SKI: variants seen among roughly 807,000 people sequenced by gnomAD.
SKI encodes SKI proto-oncogene, also known as ski oncogene.
Under a neutral mutation model 59.3 loss-of-function variants are expected in SKI, and 23 were observed. The ratio of observed to expected loss-of-function variants is 0.39; its 90% CI spans 0.28 to 0.55. The LOEUF (loss-of-function observed/expected upper bound fraction) is 0.55, where lower values mean the gene tolerates loss of function less well. SKI is among the 20% of genes least tolerant of loss of function. The pLI, the probability that SKI is intolerant of heterozygous loss-of-function variation, is 0.67. For synonymous variants in SKI, 673 were observed against 488.6 expected (o/e 1.38, Z -4.98); for missense variants, 1,017 against 1,038.9 (o/e 0.98, Z 0.29).
At chr1:2,255,150 C>G (rs1228989193) in intron 1 of SKI, among the ~76,000 whole-genome samples, 2 of 152,188 alleles carry the variant, frequency 1.3e-5, no homozygotes, top group Non-Finnish European at 2.9e-5. Context: ...CCAGTGTCCC[C>G]ATCCTGTCCT....
intron 1 of SKI, among the ~76,000 whole-genome samples, chr1:2,234,365 C>T (rs1638706878): frequency 6.6e-6 from 1 of 152,304 alleles, no homozygotes; most frequent in Non-Finnish European, 1.5e-5. Flanking sequence ...GGTCCCTCGC[C>T]TTCTGGGGCA....
rs563960146 is a variant in SKI at position 2,283,351 on chromosome 1, G to T, written c.970-19627G>T. 1.9e-3 allele frequency among the ~76,000 whole-genome samples: 193 copies of T among 103,502 alleles called. 5 individuals are homozygous for T. The Middle Eastern group carries it at 0.027, about 15-fold the overall frequency. The allele number at this position is 103,502 out of a possible 152,430, so 67.9% of individuals were successfully genotyped here. On this transcript the variant is annotated intron_variant, in intron 1 of 6. Coordinates refer to ENST00000378536, the MANE Select transcript of SKI (RefSeq NM_003036.4). ...ACAGGGCAAGGACTCAGAGCCTCAG[G>T]GGGGGGAGGGCAGGGCCTCCTGAGG...
chr1:2,296,861 G>A (rs551608400), intron 1 of SKI, among the ~76,000 whole-genome samples: 132 of 152,250 alleles, frequency 8.7e-4, no homozygotes, highest in African/African-American at 3.0e-3. Flanking sequence ...ACGTGCGCTC[G>A]CAGCCTCGGC....
At chr1:2,262,792 G>A in intron 1 of SKI, among the ~76,000 whole-genome samples, 1 of 152,116 alleles carries the variant, frequency 6.6e-6, no homozygotes, top group East Asian at 1.9e-4. Flanking sequence ...TTACTAATGT[G>A]ATGAATTATA....
At chr1:2,298,034 T>C (rs965027332) in intron 1 of SKI, among the ~76,000 whole-genome samples, 1 of 152,178 alleles carries the variant, frequency 6.6e-6, no homozygotes, top group African/African-American at 2.4e-5. Flanking sequence ...CGGGTGGTCA[T>C]GGGCCGAGCA....
chr1:2,298,949 C>T (rs12026947), intron 1 of SKI, among the ~76,000 whole-genome samples: 5 of 152,310 alleles, frequency 3.3e-5, no homozygotes, highest in East Asian at 1.9e-4. Context: ...GAGCTGCCTT[C>T]TCTAGTTGGG....
chr1:2,305,582 G>C (rs777765594), intron 5 of SKI, among the ~76,000 whole-genome samples: 5 of 152,144 alleles, frequency 3.3e-5, no homozygotes, highest in Admixed American at 6.5e-5. Flanking sequence ...TGGGGAGAGT[G>C]GGGGGGCTTG....
At chr1:2,233,308 C>T (rs1370887785) in intron 1 of SKI, among the ~76,000 whole-genome samples, 1 of 151,246 alleles carries the variant, frequency 6.6e-6, no homozygotes, top group African/African-American at 2.4e-5. Context: ...GCCGGGGGTC[C>T]TGCTCCGAGG....
chr1:2,245,112 A>G (rs1420625899), intron 1 of SKI, among the ~76,000 whole-genome samples: 1 of 149,146 alleles, frequency 6.7e-6, no homozygotes, highest in African/African-American at 2.5e-5. Flanking sequence ...CCCAGCCCCC[A>G]ACACCCACCC....
rs1174147537 is a variant in SKI, at chr1:2,229,465, G to T, written c.699G>T (p.Val233=). Residue 233 remains valine (V), a synonymous_variant, in exon 1 of 7, where the codon GTG becomes GTT. Coordinates refer to ENST00000378536, the MANE Select transcript of SKI (RefSeq NM_003036.4). The surrounding 1 kb of genome is among the most constrained non-coding windows in gnomAD (Gnocchi z 6.3). The part of the protein sequence containing the change: ...ECFGKCKGLL[V]PELYSSPSAA... ...TCGGCAAGTGTAAGGGGCTGCTGGT[G>T]CCCGAGCTCTACAGCAGCCCGAGCG... is the stretch of plus-strand genomic sequence containing the variant. 8.1e-6 allele frequency: 13 copies of T among 1,611,944 alleles called. No homozygotes were observed. Among genetic ancestry groups the T allele is most frequent in the Non-Finnish European group, 1.0e-5 (12 of 1,179,814 alleles).
At chr1:2,297,843 C>T (rs886958963) in intron 1 of SKI, among the ~76,000 whole-genome samples, 2 of 152,272 alleles carry the variant, frequency 1.3e-5, no homozygotes, top group Non-Finnish European at 2.9e-5. Context: ...AGACTGGCCA[C>T]TCCCATGGCG....
intron 1 of SKI, among the ~76,000 whole-genome samples, chr1:2,265,591 C>T (rs1326633321): frequency 6.6e-6 from 1 of 152,128 alleles, no homozygotes; most frequent in Non-Finnish European, 1.5e-5. Context: ...GGATGATTTT[C>T]TTCATTGTGG....
intron 1 of SKI, among the ~76,000 whole-genome samples, chr1:2,252,167 A>G (rs1569726300): frequency 6.6e-6 from 1 of 152,168 alleles, no homozygotes; most frequent in East Asian, 1.9e-4. Context: ...GGAGGGTTGG[A>G]ATCTCCAGTT....
chr1:2,245,921 T>G (rs1276643290), intron 1 of SKI, among the ~76,000 whole-genome samples: 1 of 148,232 alleles, frequency 6.7e-6, no homozygotes, highest in East Asian at 2.1e-4. Flanking sequence ...CTCAGCCTCC[T>G]GAGTAGCTGG....
intron 1 of SKI, among the ~76,000 whole-genome samples, chr1:2,245,128 T>G (rs2100814107): frequency 1.4e-5 from 2 of 147,488 alleles, no homozygotes; most frequent in African/African-American, 2.5e-5. Context: ...CACCCGCCGC[T>G]TTCTGTTTCT....
At position 2,228,819 on chromosome 1, in the gene SKI, A is replaced by G. The variant is rs1299769071; in HGVS notation, c.53A>G (p.Gln18Arg). 7.3e-7 allele frequency: 1 copy of G among 1,376,410 alleles called. No individual in the cohort carries two copies. The highest frequency in any genetic ancestry group is 9.5e-7 in the Non-Finnish European group (1 of 1,055,500). The allele number at this position is 1,376,410 out of a possible 1,614,324, so 85.3% of individuals were successfully genotyped here. The change falls in exon 1 of 7, where the codon CAG becomes CGG. Residue 18 changes from glutamine to arginine, a missense_variant. Gln to Arg is a conservative substitution (Grantham distance 43, BLOSUM62 1). Transcript: ENST00000378536. ...TGTTTCCAGCCGCACCCGGGGCTGC[A>G]GAAGACGCTGGAGCAGTTCCACCTG... ...RGCFQPHPGL[Q>R]KTLEQFHLSS...
chr1:2,277,300 GT>G (rs1639763819), intron 1 of SKI, among the ~76,000 whole-genome samples: 1 of 152,088 alleles, frequency 6.6e-6, no homozygotes, highest in Non-Finnish European at 1.5e-5. Context: ...TGGTTTGGCT[GT>G]GTCCCCACCC....
intron 1 of SKI, among the ~76,000 whole-genome samples, chr1:2,265,100 C>T (rs139831912): frequency 3.3e-5 from 5 of 152,334 alleles, no homozygotes; most frequent in Admixed American, 2.6e-4. Context: ...GAGTGAGCCA[C>T]GGCGCCCGGC....
chr1:2,303,494 G>C lies in SKI; in HGVS notation c.1211+94G>C. The C allele has an allele frequency of 1.8e-6, 2 of 1,115,890 alleles. No individual in the cohort carries two copies. Among genetic ancestry groups the C allele is most frequent in the Non-Finnish European group, 2.6e-6 (2 of 755,926 alleles). The allele number at this position is 1,115,890 out of a possible 1,614,324, so 69.1% of individuals were successfully genotyped here. On this transcript the variant is annotated intron_variant, in intron 3 of 6. Transcript: ENST00000378536. The surrounding 1 kb of genome is among the most constrained non-coding windows in gnomAD (Gnocchi z 5.6). Reference sequence around the variant, plus strand: ...GCGCCCATGTTTCTGCAGGCTGGGTGCCCAGACCTGCCGCCTTTTGGTCAG... The same window carrying C: ...GCGCCCATGTTTCTGCAGGCTGGGTCCCCAGACCTGCCGCCTTTTGGTCAG...
Sources: gnomAD v4.1 joint callset for allele counts (sites outside exome capture counted in the v4.1 genomes callset) on GRCh38, gnomAD v4.1.1 for gene constraint, Gnocchi (gnomAD v3.1) non-coding constraint, MANE v1.5 for transcripts, NCBI Gene and HGNC (gene_info 2026-07-23, HGNC 2026-07-21) for gene names.